HERC2: variants seen among roughly 807,000 people sequenced by gnomAD.
The protein encoded by HERC2 is E3 ubiquitin-protein ligase HERC2.
Under a neutral mutation model 537.7 loss-of-function variants are expected in HERC2, and 102 were observed. The ratio of observed to expected loss-of-function variants is 0.19; its 90% CI spans 0.16 to 0.22. HERC2 has a LOEUF of 0.22. Among genes scored for constraint, HERC2 ranks in the 10% least tolerant of loss-of-function variants. The pLI is 1.00. For missense variants in HERC2, 4,236 were observed against 6,198.2 expected (o/e 0.68, Z 10.63); for synonymous variants, 2,224 against 2,466.2 (o/e 0.90, Z 2.91).
In HERC2 at chr15:28,111,966, G is replaced by C. The variant is rs753877945; in HGVS notation, c.14302C>G (p.Leu4768Val). ...ACCTGCTTGCAGGAATACCTGGGCA[G>C]CTTCAGCAAGAAGAAACAGGTGTAG... ...ESYTCFFLLK[L>V]PRYSCKQVLE... Residue 4768 changes from leucine to valine, a missense_variant, in exon 93 of 93, where the codon CTG becomes GTG. By Grantham distance (32) the Leu-to-Val change is conservative. Transcript: ENST00000261609. 6.2e-7 allele frequency: 1 copy of C among 1,614,176 alleles called. No homozygotes were observed. Among genetic ancestry groups the C allele is most frequent in the South Asian group, 1.1e-5 (1 of 91,086 alleles).
At chr15:28,291,463 A>T (rs1351670794) in intron 4 of HERC2, among the ~76,000 whole-genome samples, 1 of 152,084 alleles carries the variant, frequency 6.6e-6, no homozygotes, top group Non-Finnish European at 1.5e-5. Context: ...GAATATCCAC[A>T]CCGAAGGGAT....
chr15:28,135,712 T>A lies in HERC2; in HGVS notation c.12016-20A>T. 6.3e-7 allele frequency: 1 copy of A among 1,576,202 alleles called. No homozygotes were observed. On this transcript the variant is annotated intron_variant, in intron 78 of 92. Transcript: ENST00000261609. ...ATACAGCTAAGAAAAGAAAAAGCAA[T>A]AGTAACATCAGTTTTTAATCTCAAT...
intron 79 of HERC2, 34 bp downstream of exon 79, chr15:28,135,442 CAA>C: frequency 6.5e-7 from 1 of 1,527,318 alleles, no homozygotes; most frequent in East Asian, 2.3e-5. Context: ...AAAACAAAGA[CAA>C]ATAGAATGTT....
At position 28,285,803 on chromosome 15, in the gene HERC2, C is replaced by CAA. The variant is rs3079904; in HGVS notation, c.323-5518_323-5517dup. Among the ~76,000 whole-genome samples, 393 of 72,332 alleles carry CAA rather than the reference C, an allele frequency of 5.4e-3. 18 individuals carry two copies. The highest frequency in any genetic ancestry group is 0.016 in the African/African-American group (362 of 23,012). The allele number at this position is 72,332 out of a possible 152,430, so 47.5% of individuals were successfully genotyped here. A position where few individuals can be genotyped will look rare whatever the true frequency, so the allele number is the denominator to read the frequency against. ...GACAAACCTCTCTAAGCATGACTGA[C>CAA]AAAAAAAAAAAAAAAAGACATAAAT... On this transcript the variant is annotated intron_variant, in intron 4 of 92. Coordinates refer to ENST00000261609, the MANE Select transcript of HERC2 (RefSeq NM_004667.6).
At chr15:28,315,370 A>G (rs2077053693) in intron 2 of HERC2, among the ~76,000 whole-genome samples, 1 of 152,242 alleles carries the variant, frequency 6.6e-6, no homozygotes, top group Non-Finnish European at 1.5e-5. Context: ...CGGAGACTGG[A>G]GCCGAAGGGC....
At chr15:28,214,003 A>C in intron 41 of HERC2, 31 bp from the exon 42 acceptor site, 3 of 1,611,000 alleles carry the variant, frequency 1.9e-6, no homozygotes, top group Non-Finnish European at 2.5e-6. Flanking sequence ...AGCTCGACAG[A>C]GACACTCACG....
chr15:28,117,411 GAACA>G (rs1566909648), intron 86 of HERC2: 1 of 694,098 alleles, frequency 1.4e-6, no homozygotes, highest in Non-Finnish European at 2.6e-6. Context: ...TAGTGTGTCT[GAACA>G]AACACACCTT....
At chr15:28,283,036 A>C (rs2076065458) in intron 4 of HERC2, among the ~76,000 whole-genome samples, 1 of 100,926 alleles carries the variant, frequency 9.9e-6, no homozygotes, top group African/African-American at 9.3e-5. Context: ...TCCCAGCAAA[A>C]AAAAAAAAAA....
In HERC2 at chr15:28,220,472, G is replaced by A. The variant is rs1029004398; in HGVS notation, c.5825C>T (p.Ser1942Leu). Residue 1942 changes from serine to leucine, a missense_variant, in exon 37 of 93, where the codon TCG (serine) becomes TTG (leucine). This residue lies in a region of HERC2 where 365 missense variants were observed against 468.8 expected (regional missense o/e 0.78). Coordinates refer to ENST00000261609, the MANE Select transcript of HERC2 (RefSeq NM_004667.6). The part of the protein sequence containing the change: ...PAAAQPSAED[S>L]DTEDDSEAEQ... ...CCCACCAGAGTCATCCTCTGTGTCC[G>A]AATCCTCTGCTGAGGGCTGTGCAGC... is the stretch of plus-strand genomic sequence containing the variant. The A allele has an allele frequency of 1.4e-5, 22 of 1,606,024 alleles. No homozygotes were observed. The highest frequency in any genetic ancestry group is 3.3e-5 in the Admixed American group (2 of 59,996).
At chr15:28,317,199 T>C (rs2077111229) in intron 2 of HERC2, among the ~76,000 whole-genome samples, 2 of 152,146 alleles carry the variant, frequency 1.3e-5, no homozygotes, top group South Asian at 4.1e-4. Context: ...CAAGCACTTC[T>C]CCTGCCTCAA....
chr15:28,204,470 A>C (rs139167008), intron 45 of HERC2, among the ~76,000 whole-genome samples: 297 of 152,160 alleles, frequency 2.0e-3, no homozygotes, highest in Middle Eastern at 3.4e-3. Flanking sequence ...ATATACAAAA[A>C]TTAGCCAGGC....
In HERC2 at chr15:28,313,042, GC is replaced by G. The variant is rs1389088979; in HGVS notation, c.72+8319del. Reference sequence around the variant, plus strand: ...TGTGAGAGGTGGGATTTGGGAAGAGGCCCAACTCCAAGGCTTATTCGCTTCC... The same window carrying G: ...TGTGAGAGGTGGGATTTGGGAAGAGGCCAACTCCAAGGCTTATTCGCTTCC... On this transcript the variant is annotated intron_variant, in intron 2 of 92. Coordinates refer to ENST00000261609, the MANE Select transcript of HERC2 (RefSeq NM_004667.6). 3.9e-5 allele frequency among the ~76,000 whole-genome samples: 6 copies of G among 152,084 alleles called. No homozygotes were observed. The East Asian group carries it at 9.6e-4, about 24-fold the overall frequency.
intron 56 of HERC2, among the ~76,000 whole-genome samples, chr15:28,184,234 T>C (rs920843287): frequency 1.3e-5 from 2 of 152,166 alleles, no homozygotes; most frequent in Non-Finnish European, 2.9e-5. Context: ...TATACACACA[T>C]ATATGTATGC....
chr15:28,178,163 C>A (rs958796182), intron 59 of HERC2, among the ~76,000 whole-genome samples: 1 of 152,108 alleles, frequency 6.6e-6, no homozygotes, highest in African/African-American at 2.4e-5. Flanking sequence ...TAATTCCCAG[C>A]CTCCTCTGCC....
intron 86 of HERC2, among the ~76,000 whole-genome samples, chr15:28,121,065 A>C (rs1178501652): frequency 6.6e-6 from 1 of 152,260 alleles, no homozygotes; most frequent in African/African-American, 2.4e-5. Context: ...TGCAGTGGGA[A>C]GAGGGCTGAT....
Position 28,132,056 on chromosome 15 carries a change from C to T in HERC2, c.12570+44G>A, listed in dbSNP as rs752156251. 10 of 1,491,496 alleles carry T rather than the reference C, an allele frequency of 6.7e-6. No individual in the cohort carries two copies. The East Asian group carries it at 1.2e-4, about 19-fold the overall frequency. 92.4% of individuals were successfully genotyped at this position (1,491,496 alleles called of 1,614,324 possible). On this transcript the variant is annotated intron_variant, in intron 81 of 92. Coordinates refer to ENST00000261609, the MANE Select transcript of HERC2 (RefSeq NM_004667.6). ...CAGAGGGGCCCTGGGGGCCCGACTG[C>T]GGTGAGCTGGGAGAGCACTGGGCAG...
At chr15:28,116,989 C>T in intron 87 of HERC2, 24 bp downstream of exon 87, 1 of 1,613,956 alleles carries the variant, frequency 6.2e-7, no homozygotes, top group Non-Finnish European at 8.5e-7. Context: ...GACACAGGTG[C>T]TCCAGCACGT....
Position 28,213,873 on chromosome 15 carries a change from G to A in HERC2, c.6655C>T (p.Leu2219=). 1 of 1,613,992 alleles carries A rather than the reference G, an allele frequency of 6.2e-7. No individual in the cohort carries two copies. Among genetic ancestry groups the A allele is most frequent in the Non-Finnish European group, 8.5e-7 (1 of 1,179,962 alleles). ...VIGGIDGRLR[L]GGQVMHDEFG... ...TCATCGTGCATAACTTGACCGCCCA[G>A]GCGCAGGCGACCATCGATGCCTCCA... is the stretch of plus-strand genomic sequence containing the variant. Residue 2219 remains leucine, a synonymous_variant, in exon 42 of 93, where the codon CTG becomes TTG. Transcript: ENST00000261609.
At chr15:28,134,445 C>A (rs1284905242) in intron 79 of HERC2, among the ~76,000 whole-genome samples, 2 of 152,092 alleles carry the variant, frequency 1.3e-5, no homozygotes, top group African/African-American at 2.4e-5. Flanking sequence ...AATCTAGATG[C>A]CTTTTATTTC....
Sources: allele counts gnomAD v4.1 joint callset (sites outside exome capture counted in the v4.1 genomes callset), GRCh38; gene constraint gnomAD v4.1.1; regional missense constraint gnomAD v4.1.1; transcripts MANE v1.5; gene names NCBI Gene and HGNC (gene_info 2026-07-23, HGNC 2026-07-21).